IFI44: variants seen among roughly 807,000 people sequenced by gnomAD.
The protein encoded by IFI44 is interferon-induced protein 44.
In IFI44, 42 loss-of-function variants were observed where a neutral mutation model predicts 45.0. The observed-to-expected ratio is 0.93, with a 90% CI of 0.73 to 1.21. The LOEUF (loss-of-function observed/expected upper bound fraction) is 1.21, where lower values mean the gene tolerates loss of function less well. IFI44 is among the 50% of genes most tolerant of loss of function. IFI44 has a pLI of 0.00. For synonymous variants in IFI44, 221 were observed against 188.6 expected, an observed-to-expected ratio of 1.17 and a Z score of -1.41; for missense variants, 623 against 525.8, an observed-to-expected ratio of 1.18 and a Z score of -1.81.
chr1:78,655,279 C>T (rs1647187904), intron 4 of IFI44, 70 bp downstream of exon 4: 2 of 1,562,312 alleles, frequency 1.3e-6, no homozygotes, highest in East Asian at 2.2e-5. Context: ...AAGCCTTTTG[C>T]AGATCAACTT....
At position 78,655,096 on chromosome 1, in the gene IFI44, G is replaced by A; in HGVS notation, c.577G>A (p.Gly193Ser). ...TCAACAAATACGAATTCTGCTGCTGGGTCCAATTGGAGCTGGGAAGTCCAG... is the reference window on the plus strand; with the variant it reads ...TCAACAAATACGAATTCTGCTGCTGAGTCCAATTGGAGCTGGGAAGTCCAG... ...LVQQIRILLL[G>S]PIGAGKSSFF... Residue 193 changes from glycine (G) to serine (S), a missense_variant, in exon 4 of 9, where the codon GGT becomes AGT. Transcript: ENST00000370747. The A allele has an allele frequency of 1.2e-6, 2 of 1,613,864 alleles. No homozygotes were observed. The highest frequency in any genetic ancestry group is 1.7e-6 in the Non-Finnish European group (2 of 1,179,856).
At chr1:78,662,655 A>G (rs1647529854) in intron 7 of IFI44, 49 bp from the exon 8 acceptor site, 1 of 1,400,042 alleles carries the variant, frequency 7.1e-7, no homozygotes, top group African/African-American at 1.4e-5. Context: ...CTAACATAAA[A>G]TAATATTTTT....
chr1:78,651,288 A>G (rs1244498262), intron 2 of IFI44, among the ~76,000 whole-genome samples: 1 of 152,226 alleles, frequency 6.6e-6, no homozygotes, highest in East Asian at 1.9e-4. Flanking sequence ...GTTTTCCTGC[A>G]ACTAAACGGT....
chr1:78,655,003 T>C lies in IFI44; in HGVS notation c.495-11T>C, dbSNP rs908594193. ...CTCAGTCAATTGTTAAAAACGGTCA[T>C]GTCTAAACAGGCTCAGGAAGAGCTT... is the stretch of plus-strand genomic sequence containing the variant. On this transcript the variant is annotated splice_polypyrimidine_tract_variant and intron_variant, in intron 3 of 8. Coordinates refer to ENST00000370747, the MANE Select transcript of IFI44 (RefSeq NM_006417.5). 6.3e-7 allele frequency: 1 copy of C among 1,597,406 alleles called. No homozygotes were observed. Among genetic ancestry groups the C allele is most frequent in the South Asian group, 1.1e-5 (1 of 88,506 alleles).
intron 7 of IFI44, among the ~76,000 whole-genome samples, chr1:78,661,551 T>C (rs1278934902): frequency 6.6e-6 from 1 of 152,164 alleles, no homozygotes; most frequent in Non-Finnish European, 1.5e-5. Flanking sequence ...GTTACTCTCT[T>C]ATCAGCTACA....
intron 2 of IFI44, among the ~76,000 whole-genome samples, chr1:78,652,271 C>T (rs1270680058): frequency 6.6e-6 from 1 of 152,072 alleles, no homozygotes; most frequent in Non-Finnish European, 1.5e-5. Context: ...TTAATAGAGA[C>T]AGGGTTTCAC....
In IFI44 at chr1:78,655,090, C is replaced by T. The variant is rs114935425; in HGVS notation, c.571C>T (p.Leu191=). 1.9e-4 allele frequency: 304 copies of T among 1,613,920 alleles called. 1 individual carries two copies. The East Asian group carries it at 4.1e-3, about 22-fold the overall frequency. The change falls in exon 4 of 9, where the codon CTG becomes TTG. Residue 191 remains leucine (L), a synonymous_variant. Coordinates refer to ENST00000370747, the MANE Select transcript of IFI44 (RefSeq NM_006417.5). ...GSLVQQIRIL[L]LGPIGAGKSS... ...CCTGGTTCAACAAATACGAATTCTG[C>T]TGCTGGGTCCAATTGGAGCTGGGAA... is the stretch of plus-strand genomic sequence containing the variant.
chr1:78,657,574 G>A (rs191275881), intron 5 of IFI44, among the ~76,000 whole-genome samples: 1 of 152,212 alleles, frequency 6.6e-6, no homozygotes, highest in Non-Finnish European at 1.5e-5. Context: ...ATTTGTTAAA[G>A]TGTGAAAATA....
Position 78,650,335 on chromosome 1 carries a change from A to G in IFI44, c.140A>G (p.Gln47Arg), listed in dbSNP as rs752583893. ...GTTTTGCTTGACAGATGTTGTAATC[A>G]AGGGCCTACTCTAACAGTGATTTAT... ...NGVLLDRCCN[Q>R]GPTLTVIYSE... The change falls in exon 2 of 9, where the codon CAA becomes CGA. Residue 47 changes from glutamine to arginine, a missense_variant. Gln to Arg is a conservative substitution (Grantham distance 43). Coordinates refer to ENST00000370747, the MANE Select transcript of IFI44 (RefSeq NM_006417.5). 8 of 1,613,960 alleles carry G rather than the reference A, an allele frequency of 5.0e-6. No homozygotes were observed. Among genetic ancestry groups the G allele is most frequent in the Admixed American group, 1.7e-5 (1 of 59,998 alleles).
At chr1:78,656,776 A>G (rs1647220192) in intron 5 of IFI44, among the ~76,000 whole-genome samples, 1 of 149,044 alleles carries the variant, frequency 6.7e-6, no homozygotes, top group African/African-American at 2.5e-5. Context: ...TCGTGTGCCT[A>G]TTAAAAAACA....
rs1367825138 is a variant in IFI44 at position 78,659,317 on chromosome 1, T to G, written c.846T>G (p.Asn282Lys). 4 of 1,610,746 alleles carry G rather than the reference T, an allele frequency of 2.5e-6. No individual in the cohort carries two copies. In the African/African-American group the frequency reaches 5.3e-5, roughly 22 times the overall value. Residue 282 changes from asparagine to lysine, a missense_variant, in exon 6 of 9, where the codon AAT becomes AAG. Asn to Lys is a moderately conservative substitution (Grantham distance 94, BLOSUM62 0). Transcript: ENST00000370747. ...NGNIRDRYQF[N>K]PMESIKLNHH... ...GCTTTATGTCTACCTTACAGTTTAA[T>G]CCCATGGAATCAATCAAATTAAATC...
At chr1:78,656,077 C>T (rs1647203995) in intron 5 of IFI44, among the ~76,000 whole-genome samples, 1 of 152,114 alleles carries the variant, frequency 6.6e-6, no homozygotes, top group Admixed American at 6.5e-5. Context: ...TCTCTATAAA[C>T]CAGGAAGAGG....
At position 78,663,883 on chromosome 1, in the gene IFI44, C is replaced by G; in HGVS notation, c.*72C>G. ...AATTCAGAAAGGAGAAAACACAGAC[C>G]AAAGAGAAGTATCTAAGACCAAAGG... On this transcript the variant is annotated 3_prime_UTR_variant, in exon 9 of 9. Coordinates refer to ENST00000370747, the MANE Select transcript of IFI44 (RefSeq NM_006417.5). The G allele has an allele frequency of 2.8e-6, 4 of 1,453,742 alleles. No homozygotes were observed. The highest frequency in any genetic ancestry group is 1.9e-6 in the Non-Finnish European group (2 of 1,057,050). 90.1% of individuals were successfully genotyped at this position (1,453,742 alleles called of 1,614,324 possible). A position where few individuals can be genotyped will look rare whatever the true frequency, so the allele number is the denominator to read the frequency against.
intron 2 of IFI44, among the ~76,000 whole-genome samples, chr1:78,652,195 C>T (rs1044262556): frequency 6.6e-6 from 1 of 152,142 alleles, no homozygotes; most frequent in African/African-American, 2.4e-5. Flanking sequence ...AATTCTCCTG[C>T]CTCAGCCTCC....
chr1:78,662,603 A>T, intron 7 of IFI44, 101 bp from the exon 8 acceptor site: 1 of 902,338 alleles, frequency 1.1e-6, no homozygotes, highest in Admixed American at 2.7e-5. Context: ...ATGGGAAATT[A>T]TTGCAAGTTC....
chr1:78,660,180 T>A (rs1647367545), intron 6 of IFI44, among the ~76,000 whole-genome samples: 3 of 152,332 alleles, frequency 2.0e-5, no homozygotes, highest in South Asian at 4.1e-4. Flanking sequence ...TTCTTGAGGA[T>A]TCTTCTCCCC....
At position 78,655,130 on chromosome 1, in the gene IFI44, A is replaced by C; in HGVS notation, c.611A>C (p.Asn204Thr). The C allele has an allele frequency of 6.2e-7, 1 of 1,613,880 alleles. No individual in the cohort carries two copies. Among genetic ancestry groups the C allele is most frequent in the Non-Finnish European group, 8.5e-7 (1 of 1,179,880 alleles). The change falls in exon 4 of 9, where the codon AAC becomes ACC. Residue 204 changes from asparagine to threonine, a missense_variant. By Grantham distance (65) the Asn-to-Thr change is moderately conservative (BLOSUM62 0). Coordinates refer to ENST00000370747, the MANE Select transcript of IFI44 (RefSeq NM_006417.5). ...GGAGCTGGGAAGTCCAGCTTTTTCA[A>C]CTCAGTGAGGTCTGTTTTCCAAGGG... is the stretch of plus-strand genomic sequence containing the variant. ...PIGAGKSSFF[N>T]SVRSVFQGHV... is the part of the protein sequence containing the mutation.
intron 2 of IFI44, among the ~76,000 whole-genome samples, chr1:78,652,016 T>C (rs1647132222): frequency 6.6e-6 from 1 of 152,072 alleles, no homozygotes; most frequent in Admixed American, 6.5e-5. Context: ...CCACTTTACA[T>C]ATTGAAAAAT....
In IFI44 at chr1:78,663,847, C is replaced by T. The variant is rs200859621; in HGVS notation, c.*36C>T. 4.2e-5 allele frequency: 67 copies of T among 1,594,818 alleles called. No individual in the cohort carries two copies. In the Middle Eastern group the frequency reaches 8.4e-4, roughly 20 times the overall value. ...GGTTCACGTAAATTTCCTCACATCA[C>T]AGAAGATTAAAATTCAGAAAGGAGA... On this transcript the variant is annotated 3_prime_UTR_variant, in exon 9 of 9. Coordinates refer to ENST00000370747, the MANE Select transcript of IFI44 (RefSeq NM_006417.5).
Sources: allele counts gnomAD v4.1 joint callset (sites outside exome capture counted in the v4.1 genomes callset), GRCh38; gene constraint gnomAD v4.1.1; transcripts MANE v1.5; gene names NCBI Gene and HGNC (gene_info 2026-07-23, HGNC 2026-07-21).